Variants in MEGF6 observed in about 807,000 individuals in gnomAD.
The protein encoded by MEGF6 is multiple EGF like domains 6.
Under a neutral mutation model 207.1 loss-of-function variants are expected in MEGF6, and 184 were observed. The ratio of observed to expected loss-of-function variants is 0.89; its 90% CI spans 0.79 to 1.00. MEGF6 has a LOEUF of 1.00. Ranked by LOEUF, MEGF6 falls within the 50% of genes least tolerant of loss-of-function variation. The pLI is 0.00. For missense variants in MEGF6, 2,282 were observed against 2,202.9 expected (o/e 1.04, Z -0.72); for synonymous variants, 1,038 against 910.0 (o/e 1.14, Z -2.53).
At chr1:3,527,149 G>T (rs866960884) in intron 4 of MEGF6, among the ~76,000 whole-genome samples, 1 of 152,096 alleles carries the variant, frequency 6.6e-6, no homozygotes, top group African/African-American at 2.4e-5. Flanking sequence ...CCCACCCACG[G>T]TCCCTGTGAA....
At chr1:3,588,801 C>T (rs1643934095) in intron 3 of MEGF6, among the ~76,000 whole-genome samples, 2 of 152,024 alleles carry the variant, frequency 1.3e-5, no homozygotes, top group Non-Finnish European at 2.9e-5. Flanking sequence ...CCCCTCCTGA[C>T]CCCCTGAACT....
At chr1:3,496,404 C>T (rs1640607017) in intron 29 of MEGF6, among the ~76,000 whole-genome samples, 1 of 152,262 alleles carries the variant, frequency 6.6e-6, no homozygotes, top group Admixed American at 6.5e-5. Flanking sequence ...AGACATGGCG[C>T]AGGTCGCCGG....
chr1:3,524,310 C>T (rs1345678213), intron 4 of MEGF6, 64 bp from the exon 5 acceptor site: 2 of 1,572,372 alleles, frequency 1.3e-6, no homozygotes, highest in African/African-American at 1.3e-5. Context: ...GCCAACACAG[C>T]CCCCCAGGTG....
intron 5 of MEGF6, among the ~76,000 whole-genome samples, chr1:3,516,845 T>C (rs1191226889): frequency 6.6e-6 from 1 of 152,092 alleles, no homozygotes; most frequent in Non-Finnish European, 1.5e-5. Flanking sequence ...GGGAGGCTAT[T>C]GGGGGTCGCA....
chr1:3,536,621 T>C (rs1642337943), intron 4 of MEGF6, among the ~76,000 whole-genome samples: 2 of 152,040 alleles, frequency 1.3e-5, no homozygotes, highest in African/African-American at 4.8e-5. Context: ...TGGAAGCTGT[T>C]TGGGAAATGC....
chr1:3,495,963 C>G lies in MEGF6; in HGVS notation c.3798G>C (p.Gln1266His), dbSNP rs1230653224. 7.6e-6 allele frequency: 12 copies of G among 1,582,208 alleles called. No individual in the cohort carries two copies. Among genetic ancestry groups the G allele is most frequent in the Non-Finnish European group, 1.0e-5 (12 of 1,171,720 alleles). The stretch of plus-strand genomic sequence containing the variant: ...CGGTCACAGGGTCGCAGGCCGCCCC[C>G]TGCCCACACCCACACACGTGGGTGC... ...PNCTHVCGCGQGAACDPVTGT... is the reference protein window; with the variant it reads ...PNCTHVCGCGHGAACDPVTGT... The change falls in exon 30 of 37, where the codon CAG becomes CAC. Residue 1266 changes from glutamine (Q) to histidine (H), a missense_variant. Physicochemically the swap from Gln to His is conservative, Grantham distance 24 (BLOSUM62 0). Transcript: ENST00000356575.
At chr1:3,518,538 A>T (rs1267184838) in intron 5 of MEGF6, among the ~76,000 whole-genome samples, 3 of 152,232 alleles carry the variant, frequency 2.0e-5, no homozygotes, top group Non-Finnish European at 2.9e-5. Context: ...GGCCAGGCCC[A>T]GCCTCTGAGC....
Position 3,495,885 on chromosome 1 carries a change from C to G in MEGF6, c.3871+5G>C. 1 of 1,598,178 alleles carries G rather than the reference C, an allele frequency of 6.3e-7. No individual in the cohort carries two copies. The highest frequency in any genetic ancestry group is 8.5e-7 in the Non-Finnish European group (1 of 1,179,232). On this transcript the variant is annotated splice_donor_5th_base_variant and intron_variant, in intron 30 of 36. Transcript: ENST00000356575. ...GTGAGCATGCCCTCTGGAGTGAACA[C>G]TCACCTCGCTCACAGCGGACGCCGG...
intron 26 of MEGF6, 110 bp downstream of exon 26, chr1:3,498,261 G>A (rs1640695501): frequency 2.2e-6 from 3 of 1,347,494 alleles, no homozygotes; most frequent in African/African-American, 2.9e-5. Flanking sequence ...AGGACAACAG[G>A]TCCCCTGGTG....
chr1:3,520,101 G>C (rs1239075307), intron 5 of MEGF6, among the ~76,000 whole-genome samples: 1 of 152,250 alleles, frequency 6.6e-6, no homozygotes, highest in Admixed American at 6.5e-5. Context: ...CCCTGGGGTG[G>C]CACAGCGTGT....
At chr1:3,611,007 C>G in intron 1 of MEGF6, 131 bp downstream of exon 1, 1 of 1,212,942 alleles carries the variant, frequency 8.2e-7, no homozygotes, top group Non-Finnish European at 1.1e-6. Flanking sequence ...CACCTCCTCC[C>G]CAGTTAACGC....
chr1:3,501,987 C>T, intron 17 of MEGF6, 66 bp from the exon 18 acceptor site: 4 of 989,096 alleles, frequency 4.0e-6, no homozygotes, highest in South Asian at 2.6e-5. Context: ...AGCCTTTCCC[C>T]CAGGGGCTCC....
intron 36 of MEGF6, 23 bp downstream of exon 36, chr1:3,490,889 C>A (rs760255675): frequency 1.9e-6 from 3 of 1,573,804 alleles, no homozygotes; most frequent in Middle Eastern, 3.3e-4. Context: ...GGCAAGCCCA[C>A]GGGCATTCCC....
chr1:3,525,713 A>C (rs1481497717), intron 4 of MEGF6, among the ~76,000 whole-genome samples: 1 of 152,204 alleles, frequency 6.6e-6, no homozygotes, highest in South Asian at 2.1e-4. Flanking sequence ...GTGGTGCTCC[A>C]GGCATCCTTC....
chr1:3,570,742 G>A (rs1177847796), intron 4 of MEGF6, among the ~76,000 whole-genome samples: 1 of 152,238 alleles, frequency 6.6e-6, no homozygotes, highest in African/African-American at 2.4e-5. Flanking sequence ...TGCCTGCAGG[G>A]CATGAAGCCC....
At chr1:3,587,018 C>T (rs537355295) in intron 3 of MEGF6, among the ~76,000 whole-genome samples, 7 of 152,372 alleles carry the variant, frequency 4.6e-5, no homozygotes, top group South Asian at 2.1e-4. Flanking sequence ...CCACCACCCC[C>T]GTCCGGGGTT....
chr1:3,606,679 T>C (rs1373534704), intron 1 of MEGF6, among the ~76,000 whole-genome samples: 1 of 152,222 alleles, frequency 6.6e-6, no homozygotes, highest in Non-Finnish European at 1.5e-5. Context: ...CCATAGGAAC[T>C]GCTACAGGCA....
chr1:3,524,341 C>A, intron 4 of MEGF6, 95 bp from the exon 5 acceptor site: 4 of 1,514,210 alleles, frequency 2.6e-6, no homozygotes, highest in Non-Finnish European at 3.6e-6. Context: ...AGACCCAGGT[C>A]CCTCCCGTGC....
At chr1:3,519,961 T>G (rs1403884584) in intron 5 of MEGF6, among the ~76,000 whole-genome samples, 1 of 152,114 alleles carries the variant, frequency 6.6e-6, no homozygotes, top group African/African-American at 2.4e-5. Flanking sequence ...CATCCAACTC[T>G]GGGGGACACA....
Sources: allele counts gnomAD v4.1 joint callset (sites outside exome capture counted in the v4.1 genomes callset), GRCh38; gene constraint gnomAD v4.1.1; transcripts MANE v1.5; gene names NCBI Gene and HGNC (gene_info 2026-07-23, HGNC 2026-07-21).